Variants in COMMD10 observed in about 807,000 individuals in gnomAD.
COMMD10 encodes COMM domain containing 10, also known as COMM domain-containing protein 10.
Under a neutral mutation model 28.9 loss-of-function variants are expected in COMMD10, and 33 were observed. That is an observed-to-expected ratio of 1.14 (90% confidence interval 0.87 to 1.53). The LOEUF (loss-of-function observed/expected upper bound fraction) is 1.53, where lower values mean the gene tolerates loss of function less well. Ranked by LOEUF, COMMD10 falls within the 40% of genes most tolerant of loss-of-function variation. The probability of loss-of-function intolerance (pLI) is 0.00; values close to 1 mark genes in which losing one functional copy is unlikely to be tolerated. For synonymous variants in COMMD10, 110 were observed against 81.7 expected (o/e 1.35, Z -1.87); for missense variants, 310 against 233.4 (o/e 1.33, Z -2.14).
At position 116,291,570 on chromosome 5, in the gene COMMD10, T is replaced by A. The variant is rs1002303078; in HGVS notation, c.564T>A (p.Tyr188Ter). The change falls in exon 6 of 7, where the codon TAT (tyrosine) becomes TAA (stop). Residue 188 changes from tyrosine to a stop codon, truncating the protein, a stop_gained. Coordinates refer to ENST00000274458, the MANE Select transcript of COMMD10 (RefSeq NM_016144.4). LOFTEE classifies it high-confidence loss of function. ...GTCACAAGGAGTTGTTTGATTTCTA[T>A]AACAAGGTCTGTATTTTTAAAATAA... ...EFSHKELFDF[Y>*]NKLETIQAQL... is the part of the protein sequence containing the mutation. The A allele has an allele frequency of 1.3e-5, 20 of 1,564,784 alleles. No homozygotes were observed. The highest frequency in any genetic ancestry group is 6.9e-5 in the Admixed American group (4 of 58,162).
chr5:116,190,128 C>T (rs7733714), intron 5 of COMMD10, among the ~76,000 whole-genome samples: 8,545 of 152,094 alleles, frequency 0.056, 359 homozygotes, highest in African/African-American at 0.12. Flanking sequence ...ATTGCAGCTT[C>T]AAGCACCACA....
At chr5:116,164,576 A>T in intron 5 of COMMD10, among the ~76,000 whole-genome samples, 1 of 152,224 alleles carries the variant, frequency 6.6e-6, no homozygotes, top group South Asian at 2.1e-4. Context: ...CTATTTTAGT[A>T]ACTGTCTATT....
intron 4 of COMMD10, among the ~76,000 whole-genome samples, chr5:116,099,629 T>C (rs1750588953): frequency 6.6e-6 from 1 of 152,206 alleles, no homozygotes; most frequent in African/African-American, 2.4e-5. Flanking sequence ...TTTTTGATAA[T>C]AGGTATTTTA....
chr5:116,103,169 C>A (rs1324407493), intron 4 of COMMD10, among the ~76,000 whole-genome samples: 3 of 152,072 alleles, frequency 2.0e-5, no homozygotes, highest in African/African-American at 4.8e-5. Context: ...ATTTATAATC[C>A]TTTGGGTATA....
At chr5:116,291,693 C>G in intron 6 of COMMD10, 117 bp downstream of exon 6, 1 of 570,284 alleles carries the variant, frequency 1.8e-6, no homozygotes, top group Middle Eastern at 4.8e-4. Flanking sequence ...TTTAAACTTC[C>G]CTTATAAAAG....
At chr5:116,218,627 C>A (rs1381335903) in intron 5 of COMMD10, among the ~76,000 whole-genome samples, 1 of 152,104 alleles carries the variant, frequency 6.6e-6, no homozygotes, top group Non-Finnish European at 1.5e-5. Context: ...AAGAGCTTCC[C>A]TATTCCCTGT....
intron 5 of COMMD10, among the ~76,000 whole-genome samples, chr5:116,166,095 T>C (rs1567335): frequency 0.59 from 89,069 of 151,962 alleles, 28,394 homozygotes; most frequent in Non-Finnish European, 0.72. Context: ...AGAGCTTGCA[T>C]GTTTAAATAT....
chr5:116,286,416 T>G (rs1349310331), intron 5 of COMMD10, among the ~76,000 whole-genome samples: 1 of 148,074 alleles, frequency 6.8e-6, no homozygotes, highest in African/African-American at 2.5e-5. Flanking sequence ...ACCTTAGGGT[T>G]TTTTTTTTTT....
intron 5 of COMMD10, among the ~76,000 whole-genome samples, chr5:116,201,939 A>C (rs1748677921): frequency 1.3e-5 from 2 of 151,944 alleles, no homozygotes; most frequent in South Asian, 4.1e-4. Context: ...CACAATGTGC[A>C]GGTTAGTTAC....
At chr5:116,094,934 G>A (rs532970194) in intron 4 of COMMD10, among the ~76,000 whole-genome samples, 10 of 152,256 alleles carry the variant, frequency 6.6e-5, no homozygotes, top group African/African-American at 1.9e-4. Context: ...AATATAACAG[G>A]CACTCACTCC....
Position 116,139,376 on chromosome 5 carries a change from T to C in COMMD10, c.510+5198T>C, listed in dbSNP as rs942181892. ...TGTAAGGGCTACATGACATCAATGATGTTGATGTGAGCAAATAACTGCATC... is the reference window on the plus strand; with the variant it reads ...TGTAAGGGCTACATGACATCAATGACGTTGATGTGAGCAAATAACTGCATC... On this transcript the variant is annotated intron_variant, in intron 5 of 6. Transcript: ENST00000274458. Among the ~76,000 whole-genome samples, 3 of 47,084 alleles carry C rather than the reference T, an allele frequency of 6.4e-5. 1 individual carries two copies. The highest frequency in any genetic ancestry group is 3.8e-4 in the Admixed American group (2 of 5,250). 30.9% of individuals were successfully genotyped at this position (47,084 alleles called of 152,430 possible).
chr5:116,126,534 G>T (rs1751648265), intron 4 of COMMD10, among the ~76,000 whole-genome samples: 1 of 151,858 alleles, frequency 6.6e-6, no homozygotes, highest in Admixed American at 6.6e-5. Flanking sequence ...ATACTACAAG[G>T]CTACAGTAAC....
chr5:116,234,051 G>T (rs949712495), intron 5 of COMMD10, among the ~76,000 whole-genome samples: 1 of 152,132 alleles, frequency 6.6e-6, no homozygotes, highest in Non-Finnish European at 1.5e-5. Flanking sequence ...TGAAGAGTCA[G>T]GGTCCCCAGT....
rs556377851 is a variant in COMMD10 at position 116,184,811 on chromosome 5, A to G, written c.510+50633A>G. Among the ~76,000 whole-genome samples the G allele has an allele frequency of 6.9e-4, 105 of 152,236 alleles. No individual in the cohort carries two copies. The Middle Eastern group carries it at 0.01, about 15-fold the overall frequency. On this transcript the variant is annotated intron_variant, in intron 5 of 6. Transcript: ENST00000274458. ...GAAGATTTTATATATAAATGGTAGT[A>G]GAGGAACATTGTTAAATTCATGAAT...
At chr5:116,227,739 A>G (rs557080442) in intron 5 of COMMD10, among the ~76,000 whole-genome samples, 2 of 152,040 alleles carry the variant, frequency 1.3e-5, no homozygotes, top group East Asian at 3.9e-4. Flanking sequence ...ACAGCTTTTC[A>G]GTTTCTCAGC....
chr5:116,205,005 G>T (rs142895268), intron 5 of COMMD10, among the ~76,000 whole-genome samples: 29 of 152,154 alleles, frequency 1.9e-4, no homozygotes, highest in African/African-American at 6.5e-4. Flanking sequence ...GATAAAACTT[G>T]CCATCTCTGT....
chr5:116,178,899 C>T (rs1258188033), intron 5 of COMMD10, among the ~76,000 whole-genome samples: 1 of 151,988 alleles, frequency 6.6e-6, no homozygotes, highest in East Asian at 1.9e-4. Flanking sequence ...CATTGTATAC[C>T]TTAATTATTC....
chr5:116,232,537 C>G (rs1319972804), intron 5 of COMMD10, among the ~76,000 whole-genome samples: 1 of 151,954 alleles, frequency 6.6e-6, no homozygotes, highest in African/African-American at 2.4e-5. Context: ...CCCATCTCTA[C>G]TAAAAATACA....
chr5:116,195,660 A>ATG (rs1748496252), intron 5 of COMMD10, among the ~76,000 whole-genome samples: 1 of 152,204 alleles, frequency 6.6e-6, no homozygotes, highest in South Asian at 2.1e-4. Context: ...GAAATCATAG[A>ATG]TGACCCAAAC....
Sources: allele counts gnomAD v4.1 joint callset (sites outside exome capture counted in the v4.1 genomes callset), GRCh38; gene constraint gnomAD v4.1.1; transcripts MANE v1.5; gene names NCBI Gene and HGNC (gene_info 2026-07-23, HGNC 2026-07-21).